CTIF: variants seen among roughly 807,000 people sequenced by gnomAD.
CTIF encodes the protein cap binding complex dependent translation initiation factor.
Under a neutral mutation model 66.0 loss-of-function variants are expected in CTIF, and 21 were observed. The ratio of observed to expected loss-of-function variants is 0.32; its 90% CI spans 0.23 to 0.46. The LOEUF (loss-of-function observed/expected upper bound fraction) is 0.46, where lower values mean the gene tolerates loss of function less well. Among genes scored for constraint, CTIF ranks in the 20% least tolerant of loss-of-function variants. CTIF has a pLI of 1.00. For synonymous variants in CTIF, 345 were observed against 326.4 expected (o/e 1.06, Z -0.62); for missense variants, 739 against 812.7 (o/e 0.91, Z 1.10).
chr18:48,703,341 A>T (rs1327774954), intron 6 of CTIF, among the ~76,000 whole-genome samples: 1 of 152,128 alleles, frequency 6.6e-6, no homozygotes, highest in Non-Finnish European at 1.5e-5. Context: ...GTGCCTGGTG[A>T]GGAGCCCGGT....
At chr18:48,727,070 G>GCACACACACACACACACA (rs35188197) in intron 7 of CTIF, among the ~76,000 whole-genome samples, 2 of 144,588 alleles carry the variant, frequency 1.4e-5, no homozygotes, top group African/African-American at 5.1e-5. Context: ...CAAGTTAGCT[G>GCACACACACACACACACA]CACACACACA....
At chr18:48,835,908 A>T (rs1054808351) in intron 10 of CTIF, among the ~76,000 whole-genome samples, 1 of 147,540 alleles carries the variant, frequency 6.8e-6, no homozygotes, top group Non-Finnish European at 1.5e-5. Flanking sequence ...TGCCCTGATC[A>T]CCTCATCCAT....
intron 3 of CTIF, among the ~76,000 whole-genome samples, chr18:48,646,517 C>T (rs533915862): frequency 1.1e-4 from 16 of 151,484 alleles, no homozygotes; most frequent in Middle Eastern, 3.4e-3. Context: ...GAGGCCGAGG[C>T]GGGTGGATTG....
chr18:48,635,329 T>C (rs1042764723), intron 2 of CTIF, among the ~76,000 whole-genome samples: 5 of 117,384 alleles, frequency 4.3e-5, no homozygotes, highest in African/African-American at 1.9e-4. Context: ...TTTTCTTTCT[T>C]TTTTTTTTTT....
In CTIF at chr18:48,761,051, A is replaced by G; in HGVS notation, c.1072-339A>G. 5.0e-6 allele frequency: 1 copy of G among 201,504 alleles called. No homozygotes were observed. The highest frequency in any genetic ancestry group is 1.8e-3 in the Middle Eastern group (1 of 564). The allele number at this position is 201,504 out of a possible 1,614,324, so 12.5% of individuals were successfully genotyped here. A position where few individuals can be genotyped will look rare whatever the true frequency, so the allele number is the denominator to read the frequency against. ...GGCCCGATTTCATATTTGTTATCTT[A>G]TTTCCTCTTTCATAATTTCCATTAA... On this transcript the variant is annotated intron_variant, in intron 8 of 11. Coordinates refer to ENST00000256413, the MANE Select transcript of CTIF (RefSeq NM_014772.3). This position sits in a 1 kb window ranked among gnomAD's most constrained non-coding sequence, Gnocchi z 4.2.
In CTIF at chr18:48,663,613, T is replaced by C. The variant is rs553434708; in HGVS notation, c.253-139T>C. On this transcript the variant is annotated intron_variant, in intron 3 of 11. Transcript: ENST00000256413. Reference sequence around the variant, plus strand: ...GCCAGGAGACCCCCAGGCAGTCCCCTGACTCTGACTGGGTGCACCAGCCAC... The same window carrying C: ...GCCAGGAGACCCCCAGGCAGTCCCCCGACTCTGACTGGGTGCACCAGCCAC... 1,422 of 743,470 alleles carry C rather than the reference T, an allele frequency of 1.9e-3. 14 individuals are homozygous for C. Among genetic ancestry groups the C allele is most frequent in the Non-Finnish European group, 7.3e-4 (308 of 421,722 alleles). 46.1% of individuals were successfully genotyped at this position (743,470 alleles called of 1,614,324 possible). A position where few individuals can be genotyped will look rare whatever the true frequency, so the allele number is the denominator to read the frequency against.
intron 6 of CTIF, among the ~76,000 whole-genome samples, chr18:48,695,365 A>G (rs2091991405): frequency 6.6e-6 from 1 of 152,258 alleles, no homozygotes; most frequent in East Asian, 1.9e-4. Context: ...TTATAATGGG[A>G]TCTGGGGGTC....
At chr18:48,626,591 T>C (rs1274990945) in intron 2 of CTIF, among the ~76,000 whole-genome samples, 1 of 142,390 alleles carries the variant, frequency 7.0e-6, no homozygotes, top group Non-Finnish European at 1.5e-5. Flanking sequence ...TGTGATCCCC[T>C]CCCATGGCCT....
At chr18:48,717,054 C>T (rs2092288698) in intron 7 of CTIF, among the ~76,000 whole-genome samples, 1 of 152,264 alleles carries the variant, frequency 6.6e-6, no homozygotes, top group East Asian at 1.9e-4. Context: ...CTGCCTCTGT[C>T]CTGCGATTGA....
chr18:48,850,402 G>A (rs796824305), intron 10 of CTIF, among the ~76,000 whole-genome samples: 38 of 152,262 alleles, frequency 2.5e-4, no homozygotes, highest in African/African-American at 3.9e-4. Flanking sequence ...GTCTCCTGGC[G>A]ATCCCAAATA....
At chr18:48,749,335 G>A (rs9947154) in intron 7 of CTIF, among the ~76,000 whole-genome samples, 175 of 152,300 alleles carry the variant, frequency 1.1e-3, no homozygotes, top group African/African-American at 3.8e-3. Flanking sequence ...CCCAAGCTGC[G>A]AGGACCCCAT....
intron 7 of CTIF, among the ~76,000 whole-genome samples, chr18:48,752,590 G>C (rs1444093992): frequency 6.6e-6 from 1 of 152,210 alleles, no homozygotes; most frequent in Non-Finnish European, 1.5e-5. Flanking sequence ...CCGTCATGCT[G>C]TGACTCATGT....
intron 9 of CTIF, among the ~76,000 whole-genome samples, chr18:48,791,847 T>C (rs529295839): frequency 3.3e-5 from 5 of 152,322 alleles, no homozygotes; most frequent in Admixed American, 3.3e-4. Context: ...CACTCAGCTT[T>C]TGCCACCTGG....
chr18:48,552,861 G>C (rs776631283), intron 1 of CTIF, among the ~76,000 whole-genome samples: 2 of 152,226 alleles, frequency 1.3e-5, no homozygotes. Context: ...ACTGGTCTTA[G>C]ATTGGCCACC....
chr18:48,810,759 A>T (rs1280348214), intron 9 of CTIF, among the ~76,000 whole-genome samples: 2 of 151,340 alleles, frequency 1.3e-5, no homozygotes, highest in African/African-American at 2.4e-5. Flanking sequence ...GGTATATTCA[A>T]ATCTATACTA....
chr18:48,770,719 T>A (rs943887455), intron 9 of CTIF, among the ~76,000 whole-genome samples: 7 of 152,250 alleles, frequency 4.6e-5, no homozygotes, highest in African/African-American at 1.7e-4. Flanking sequence ...AGCAAACCTG[T>A]GCAGTAGCAT....
chr18:48,844,852 C>T (rs1225360459), intron 10 of CTIF, among the ~76,000 whole-genome samples: 1 of 152,224 alleles, frequency 6.6e-6, no homozygotes, highest in Non-Finnish European at 1.5e-5. Context: ...GCACCTATAT[C>T]CATGGCCACA....
At chr18:48,555,176 C>T (rs1054795723) in intron 1 of CTIF, among the ~76,000 whole-genome samples, 2 of 152,186 alleles carry the variant, frequency 1.3e-5, no homozygotes, top group African/African-American at 2.4e-5. Context: ...ATGCTGCTGT[C>T]ACCTCCCTCC....
chr18:48,606,172 C>T (rs1163279438), intron 1 of CTIF, among the ~76,000 whole-genome samples: 2 of 152,212 alleles, frequency 1.3e-5, no homozygotes, highest in Non-Finnish European at 1.5e-5. Context: ...GCCTTTGCAG[C>T]TCAAAAGGAC....
Sources: allele counts gnomAD v4.1 joint callset (sites outside exome capture counted in the v4.1 genomes callset), GRCh38; gene constraint gnomAD v4.1.1; non-coding constraint Gnocchi (gnomAD v3.1); transcripts MANE v1.5; gene names NCBI Gene and HGNC (gene_info 2026-07-23, HGNC 2026-07-21).